Variants in CASK observed in about 807,000 individuals in gnomAD.
CASK encodes the protein calcium/calmodulin dependent serine protein kinase, also known as peripheral plasma membrane protein CASK.
In CASK, 4 loss-of-function variants were observed where a neutral mutation model predicts 82.9. The observed-to-expected ratio is 0.05, with a 90% CI of 0.02 to 0.11. The LOEUF is 0.11. Among genes scored for constraint, CASK ranks in the 10% least tolerant of loss-of-function variants. CASK has a pLI of 1.00. For synonymous variants in CASK, 259 were observed against 253.5 expected, an observed-to-expected ratio of 1.02 and a Z score of -0.20; for missense variants, 358 against 720.9, an observed-to-expected ratio of 0.50 and a Z score of 5.76.
At chrX:41,524,269 T>C (rs1028363240) in intron 25 of CASK, 10 of 393,413 alleles carry the variant, frequency 2.5e-5, no homozygotes, top group Non-Finnish European at 4.4e-5. Flanking sequence ...ATTTTTCTTA[T>C]GACTCATGAA....
intron 3 of CASK, among the ~76,000 whole-genome samples, chrX:41,784,522 C>T (rs976489769): frequency 9.0e-6 from 1 of 111,330 alleles, no homozygotes; most frequent in Non-Finnish European, 1.9e-5. Flanking sequence ...CCATGTAGGT[C>T]ACATAGCAGA....
At chrX:41,760,630 T>C (rs1406457268) in intron 3 of CASK, among the ~76,000 whole-genome samples, 2 of 111,051 alleles carry the variant, frequency 1.8e-5, no homozygotes, top group Non-Finnish European at 3.8e-5. Context: ...GCTACTATTG[T>C]TTCTGTACTC....
chrX:41,517,854 T>C lies in CASK; in HGVS notation c.*2566A>G. On this transcript the variant is annotated 3_prime_UTR_variant, in exon 27 of 27. Transcript: ENST00000378163. ...TGAAATTACTCTGAATTCAGAAATG[T>C]AAGTATATGCAGCTAGGTCATAAAG... The C allele has an allele frequency of 1.6e-6, 1 of 639,904 alleles. No individual in the cohort carries two copies. 52.7% of individuals were successfully genotyped at this position (639,904 alleles called of 1,213,427 possible). A position where few individuals can be genotyped will look rare whatever the true frequency, so the allele number is the denominator to read the frequency against.
intron 2 of CASK, among the ~76,000 whole-genome samples, chrX:41,830,363 T>C (rs1188681770): frequency 2.7e-5 from 3 of 111,294 alleles, no homozygotes. Flanking sequence ...CTGGGATCAC[T>C]GCAGAATTTA....
intron 8 of CASK, among the ~76,000 whole-genome samples, chrX:41,638,471 A>G (rs983581778): frequency 2.7e-5 from 3 of 111,057 alleles, no homozygotes; most frequent in African/African-American, 9.8e-5. Context: ...GCTTCAACCC[A>G]TGAGGTCAGG....
At chrX:41,545,259 T>C (rs947726994) in intron 21 of CASK, among the ~76,000 whole-genome samples, 7 of 112,209 alleles carry the variant, frequency 6.2e-5, no homozygotes, top group African/African-American at 2.3e-4. Flanking sequence ...AACTCCTGCT[T>C]CGTGTGATCC....
intron 14 of CASK, among the ~76,000 whole-genome samples, chrX:41,581,442 A>C (rs1236114440): frequency 9.1e-6 from 1 of 109,888 alleles, no homozygotes; most frequent in Non-Finnish European, 1.9e-5. Flanking sequence ...CTCTTCCTTT[A>C]GTTACTGTAA....
chrX:41,598,265 C>T (rs1042083900), intron 12 of CASK, among the ~76,000 whole-genome samples: 3 of 111,702 alleles, frequency 2.7e-5, no homozygotes, highest in African/African-American at 9.8e-5. Flanking sequence ...TGATGGGCAA[C>T]GTAAGTGTGA....
chrX:41,675,416 T>C (rs758474246), intron 5 of CASK, among the ~76,000 whole-genome samples: 1 of 112,299 alleles, frequency 8.9e-6, no homozygotes, highest in South Asian at 3.7e-4. Context: ...CAAACCAATA[T>C]GTAGGCAGTT....
chrX:41,732,582 G>A (rs1161371889), intron 5 of CASK, among the ~76,000 whole-genome samples: 1 of 110,897 alleles, frequency 9.0e-6, no homozygotes, highest in Non-Finnish European at 1.9e-5. Flanking sequence ...TCCTCTGATG[G>A]CCCCTACACT....
rs1362058154 is a variant in CASK at position 41,612,589 on chromosome X, A to G, written c.1034-2564T>C. ...CGGGAGGTGAGGGGCGCCTCTGCCC[A>G]GCCGCCCCTACTGGGAAGTGAGGAG... On this transcript the variant is annotated intron_variant, in intron 11 of 26. Coordinates refer to ENST00000378163, the MANE Select transcript of CASK (RefSeq NM_001367721.1). 1.7e-3 allele frequency among the ~76,000 whole-genome samples: 111 copies of G among 63,851 alleles called. No individual in the cohort carries two copies. In the Middle Eastern group the frequency reaches 0.049, roughly 28 times the overall value. The allele number at this position is 63,851 out of a possible 115,157, so 55.4% of individuals were successfully genotyped here. A position where few individuals can be genotyped will look rare whatever the true frequency, so the allele number is the denominator to read the frequency against.
At chrX:41,565,602 C>A (rs1204379840) in intron 16 of CASK, among the ~76,000 whole-genome samples, 1 of 111,345 alleles carries the variant, frequency 9.0e-6, no homozygotes. Context: ...TAATAGCCTA[C>A]CAACCAAAAA....
chrX:41,631,642 AT>A (rs1052217967), intron 9 of CASK, among the ~76,000 whole-genome samples: 1 of 108,284 alleles, frequency 9.2e-6, no homozygotes, highest in African/African-American at 3.4e-5. Context: ...CTAATTTTGT[AT>A]TTTTTTTAGT....
At chrX:41,807,183 A>G (rs1446837733) in intron 2 of CASK, among the ~76,000 whole-genome samples, 1 of 110,981 alleles carries the variant, frequency 9.0e-6, no homozygotes, top group Non-Finnish European at 1.9e-5. Context: ...CTTTTCCAGT[A>G]ATGTAATTCT....
chrX:41,842,030 T>G (rs2071050167), intron 2 of CASK, among the ~76,000 whole-genome samples: 1 of 111,926 alleles, frequency 8.9e-6, no homozygotes, highest in Non-Finnish European at 1.9e-5. Flanking sequence ...TGATCTACTT[T>G]GAGTTAATTT....
At chrX:41,799,084 A>G (rs1371970032) in intron 2 of CASK, among the ~76,000 whole-genome samples, 1 of 112,688 alleles carries the variant, frequency 8.9e-6, no homozygotes, top group East Asian at 2.8e-4. Flanking sequence ...AAGCTCAATC[A>G]AGCAAATTTC....
chrX:41,894,130 A>G (rs1223079423), intron 1 of CASK, among the ~76,000 whole-genome samples: 1 of 111,654 alleles, frequency 9.0e-6, no homozygotes, highest in African/African-American at 3.2e-5. Context: ...AATTAAAGGA[A>G]ACTATACTTA....
chrX:41,845,919 G>A (rs947102157), intron 2 of CASK, among the ~76,000 whole-genome samples: 1 of 111,461 alleles, frequency 9.0e-6, no homozygotes, highest in Non-Finnish European at 1.9e-5. Context: ...AAGTTAGGCA[G>A]TGACAAATGC....
At chrX:41,795,508 A>G (rs188716987) in intron 2 of CASK, among the ~76,000 whole-genome samples, 8 of 110,458 alleles carry the variant, frequency 7.2e-5, no homozygotes, top group African/African-American at 2.6e-4. Flanking sequence ...CCTACAAAAA[A>G]TACAAAAATT....
Sources: allele counts gnomAD v4.1 joint callset (sites outside exome capture counted in the v4.1 genomes callset), GRCh38; gene constraint gnomAD v4.1.1; transcripts MANE v1.5; gene names NCBI Gene and HGNC (gene_info 2026-07-23, HGNC 2026-07-21).